The following STK31 variants were observed in gnomAD, a reference collection of about 807,000 sequenced individuals.
The protein encoded by STK31 is serine/threonine kinase 31.
In STK31, 89 loss-of-function variants were observed where a neutral mutation model predicts 129.7. The ratio of observed to expected loss-of-function variants is 0.69; its 90% CI spans 0.58 to 0.82. The LOEUF is 0.82. Ranked by LOEUF, STK31 falls within the 40% of genes least tolerant of loss-of-function variation. The pLI, the probability that STK31 is intolerant of heterozygous loss-of-function variation, is 0.00. For missense variants in STK31, 1,187 were observed against 1,176.4 expected (o/e 1.01, Z -0.13); for synonymous variants, 448 against 395.3 (o/e 1.13, Z -1.58).
chr7:23,827,147 T>C (rs1254490568), intron 23 of STK31, among the ~76,000 whole-genome samples: 1 of 152,196 alleles, frequency 6.6e-6, no homozygotes, highest in Non-Finnish European at 1.5e-5. Flanking sequence ...TTGGCCTGCC[T>C]TGCTAGGTTG....
chr7:23,760,548 T>A (rs1259960334), intron 10 of STK31, among the ~76,000 whole-genome samples: 1 of 152,188 alleles, frequency 6.6e-6, no homozygotes, highest in Non-Finnish European at 1.5e-5. Context: ...AACATTTTCT[T>A]ACATTAACTT....
Position 23,769,772 on chromosome 7 carries a change from CTTTA to C in STK31, c.1713+19_1713+22del. On this transcript the variant is annotated intron_variant, in intron 13 of 23. Coordinates refer to ENST00000355870, the MANE Select transcript of STK31 (RefSeq NM_031414.5). The stretch of plus-strand genomic sequence containing the variant: ...AGCTCTGGTTGTGAGTATCGATATT[CTTTA>C]TTATTGCCTCCTTTGAAGCAGTGTG... 1 of 1,501,572 alleles carries C rather than the reference CTTTA, an allele frequency of 6.7e-7. No homozygotes were observed. 93.0% of individuals were successfully genotyped at this position (1,501,572 alleles called of 1,614,324 possible).
At chr7:23,736,191 G>A (rs1787707541) in intron 7 of STK31, among the ~76,000 whole-genome samples, 1 of 152,140 alleles carries the variant, frequency 6.6e-6, no homozygotes, top group Non-Finnish European at 1.5e-5. Flanking sequence ...TCCTAAATCT[G>A]AATTATTCAG....
chr7:23,746,958 G>T (rs368580567), intron 8 of STK31, among the ~76,000 whole-genome samples: 3 of 151,610 alleles, frequency 2.0e-5, no homozygotes, highest in East Asian at 3.9e-4. Context: ...TACCAGGCAG[G>T]CACACCTTGT....
At chr7:23,730,440 C>T (rs1352162954) in intron 6 of STK31, among the ~76,000 whole-genome samples, 3 of 152,066 alleles carry the variant, frequency 2.0e-5, no homozygotes, top group African/African-American at 7.2e-5. Context: ...AATTACACCC[C>T]AAGTTTCTGG....
intron 3 of STK31, 30 bp from the exon 4 acceptor site, chr7:23,717,451 T>A: frequency 7.0e-7 from 1 of 1,427,942 alleles, no homozygotes; most frequent in Non-Finnish European, 9.8e-7. Flanking sequence ...AATATTTTAC[T>A]GTATCTTATA....
At chr7:23,795,672 C>G (rs1286225642) in intron 22 of STK31, among the ~76,000 whole-genome samples, 1 of 152,212 alleles carries the variant, frequency 6.6e-6, no homozygotes, top group Non-Finnish European at 1.5e-5. Flanking sequence ...CTGTAGCCTG[C>G]AAAGCCACTG....
chr7:23,817,362 T>C (rs1435519269), intron 23 of STK31, among the ~76,000 whole-genome samples: 5 of 152,130 alleles, frequency 3.3e-5, no homozygotes, highest in Non-Finnish European at 7.3e-5. Context: ...AGATTAATAA[T>C]TTAGAAATTT....
chr7:23,722,974 TA>T (rs1786816897), intron 4 of STK31: 2 of 152,342 alleles, frequency 1.3e-5, no homozygotes, highest in African/African-American at 4.8e-5. Context: ...AATTTCCCGG[TA>T]CCATCTGTCA....
chr7:23,821,808 C>T (rs1454061598), intron 23 of STK31, among the ~76,000 whole-genome samples: 2 of 152,084 alleles, frequency 1.3e-5, no homozygotes, highest in East Asian at 3.8e-4. Context: ...AGTCTTTAAT[C>T]AATCTTGAAT....
chr7:23,823,710 C>G (rs1332625824), intron 23 of STK31, among the ~76,000 whole-genome samples: 1 of 152,164 alleles, frequency 6.6e-6, no homozygotes, highest in Non-Finnish European at 1.5e-5. Context: ...AGTTATTCTT[C>G]TAGGGTTTTT....
intron 10 of STK31, among the ~76,000 whole-genome samples, chr7:23,756,009 A>G (rs976425902): frequency 6.6e-6 from 1 of 152,160 alleles, no homozygotes; most frequent in South Asian, 2.1e-4. Flanking sequence ...GAAATTTAAA[A>G]TAGTTTTTTC....
At chr7:23,728,589 T>C (rs959422456) in intron 5 of STK31, among the ~76,000 whole-genome samples, 7 of 152,194 alleles carry the variant, frequency 4.6e-5, no homozygotes, top group African/African-American at 1.7e-4. Flanking sequence ...ATTTTTCTTT[T>C]TTACTTTTTA....
rs752675717 is a variant in STK31 at position 23,783,563 on chromosome 7, CT to C, written c.2068-9del. ...ATATATATTGATCTACAGTTAAAAA[CT>C]TTTTTTTTTTAACTTTAGGAGATGC... On this transcript the variant is annotated intron_variant, in intron 16 of 23. Coordinates refer to ENST00000355870, the MANE Select transcript of STK31 (RefSeq NM_031414.5). 73,283 of 961,620 alleles carry C rather than the reference CT, an allele frequency of 0.076. No individual in the cohort carries two copies. Among genetic ancestry groups the C allele is most frequent in the South Asian group, 0.12 (6,199 of 49,848 alleles). The allele number at this position is 961,620 out of a possible 1,614,324, so 59.6% of individuals were successfully genotyped here. A position where few individuals can be genotyped will look rare whatever the true frequency, so the allele number is the denominator to read the frequency against.
At chr7:23,715,781 T>C (rs67476427) in intron 3 of STK31, among the ~76,000 whole-genome samples, 47,331 of 152,026 alleles carry the variant, frequency 0.31, 7,895 homozygotes, top group African/African-American at 0.44. Flanking sequence ...CTTTCAGAGT[T>C]TTTTTTCAGT....
chr7:23,765,019 A>C (rs1410047973), intron 11 of STK31, among the ~76,000 whole-genome samples: 1 of 151,474 alleles, frequency 6.6e-6, no homozygotes, highest in Non-Finnish European at 1.5e-5. Context: ...TTTGGTTAAC[A>C]CTGCAACATC....
chr7:23,783,366 C>T (rs567395529), intron 16 of STK31, among the ~76,000 whole-genome samples: 12 of 152,278 alleles, frequency 7.9e-5, no homozygotes, highest in Admixed American at 6.5e-4. Flanking sequence ...TATAGAAGTA[C>T]GGAGTCCTTC....
chr7:23,807,721 A>G (rs1270347720), intron 22 of STK31, among the ~76,000 whole-genome samples: 4 of 151,790 alleles, frequency 2.6e-5, no homozygotes, highest in African/African-American at 9.7e-5. Context: ...GGCTCTGTTT[A>G]TCAGGGTGTT....
intron 7 of STK31, 147 bp downstream of exon 7, chr7:23,736,043 A>T (rs1434669201): frequency 4.8e-6 from 3 of 627,230 alleles, no homozygotes; most frequent in East Asian, 5.5e-5. Context: ...TCTCAAATGT[A>T]TTCCTCTCTG....
Sources: gnomAD v4.1 joint callset for allele counts (sites outside exome capture counted in the v4.1 genomes callset) on GRCh38, gnomAD v4.1.1 for gene constraint, MANE v1.5 for transcripts, NCBI Gene and HGNC (gene_info 2026-07-23, HGNC 2026-07-21) for gene names.